Variants in TNFRSF11A observed in about 807,000 individuals in gnomAD.
TNFRSF11A encodes TNF receptor superfamily member 11a.
A neutral mutation model predicts 55.7 loss-of-function variants in TNFRSF11A; 32 were observed. The observed-to-expected ratio is 0.57, with a 90% CI of 0.43 to 0.77. The LOEUF is 0.77. TNFRSF11A is among the 30% of genes least tolerant of loss of function. The probability of loss-of-function intolerance (pLI) is 0.00; values close to 1 mark genes in which losing one functional copy is unlikely to be tolerated. For missense variants in TNFRSF11A, 753 were observed against 809.8 expected, an observed-to-expected ratio of 0.93 and a Z score of 0.85; for synonymous variants, 311 against 331.0, an observed-to-expected ratio of 0.94 and a Z score of 0.65.
chr18:62,380,986 A>G (rs1207045698), intron 9 of TNFRSF11A, among the ~76,000 whole-genome samples: 1 of 151,756 alleles, frequency 6.6e-6, no homozygotes, highest in Non-Finnish European at 1.5e-5. Context: ...TGTATTTTTC[A>G]TAGAGGCAGG....
At position 62,368,660 on chromosome 18, in the gene TNFRSF11A, C is replaced by G. The variant is rs773511368; in HGVS notation, c.784-41C>G. On this transcript the variant is annotated intron_variant, in intron 8 of 9. Coordinates refer to ENST00000586569, the MANE Select transcript of TNFRSF11A (RefSeq NM_003839.4). ...TTTAGCTAAACTTGTCCTAATAACT[C>G]TAGGTATTAATGCCTCTGCCTTCTG... is the stretch of plus-strand genomic sequence containing the variant. The G allele has an allele frequency of 1.2e-5, 20 of 1,605,730 alleles. No individual in the cohort carries two copies. The Admixed American group carries it at 3.0e-4, about 24-fold the overall frequency.
In TNFRSF11A at chr18:62,355,091, T is replaced by C. The variant is rs117968696; in HGVS notation, c.427+557T>C. On this transcript the variant is annotated intron_variant, in intron 4 of 9. Transcript: ENST00000586569. ...TATGATTCATTTTTAAATGCGCCAATTGTATTTAACTATTGGACAGTTTAC... is the reference window on the plus strand; with the variant it reads ...TATGATTCATTTTTAAATGCGCCAACTGTATTTAACTATTGGACAGTTTAC... Among the ~76,000 whole-genome samples the C allele has an allele frequency of 9.5e-3, 1,451 of 152,322 alleles. 33 individuals are homozygous for C. The highest frequency in any genetic ancestry group is 0.042 in the Admixed American group (644 of 15,306).
At chr18:62,365,450 G>A (rs1366477452) in intron 7 of TNFRSF11A, among the ~76,000 whole-genome samples, 3 of 152,180 alleles carry the variant, frequency 2.0e-5, no homozygotes. Context: ...CTTCTGAGAA[G>A]CAGCCAGATA....
At chr18:62,343,216 G>A (rs942469026) in intron 1 of TNFRSF11A, among the ~76,000 whole-genome samples, 5 of 152,216 alleles carry the variant, frequency 3.3e-5, no homozygotes, top group African/African-American at 9.6e-5. Flanking sequence ...ATATAGTCAA[G>A]GATGATATTT....
intron 4 of TNFRSF11A, among the ~76,000 whole-genome samples, chr18:62,356,301 T>C (rs369409430): frequency 6.6e-6 from 1 of 152,248 alleles, no homozygotes; most frequent in African/African-American, 2.4e-5. Context: ...ATTCGGTCTT[T>C]ATTATCAAAT....
At chr18:62,343,934 T>C (rs1367053608) in intron 1 of TNFRSF11A, among the ~76,000 whole-genome samples, 1 of 152,236 alleles carries the variant, frequency 6.6e-6, no homozygotes, top group African/African-American at 2.4e-5. Flanking sequence ...ATTTTCAGCT[T>C]ATTGATTAAG....
intron 7 of TNFRSF11A, among the ~76,000 whole-genome samples, chr18:62,362,915 C>A (rs1909799753): frequency 6.6e-6 from 1 of 152,152 alleles, no homozygotes; most frequent in South Asian, 2.1e-4. Flanking sequence ...ACGATCTCGA[C>A]TCACTGCAGC....
rs772560076 is a variant in TNFRSF11A at position 62,369,227 on chromosome 18, G to A, written c.1310G>A (p.Ser437Asn). The A allele has an allele frequency of 2.5e-6, 4 of 1,613,594 alleles. No homozygotes were observed. The highest frequency in any genetic ancestry group is 3.4e-6 in the Non-Finnish European group (4 of 1,180,042). Residue 437 changes from serine (S) to asparagine (N), a missense_variant, in exon 9 of 10, where the codon AGC (serine) becomes AAC (asparagine). Coordinates refer to ENST00000586569, the MANE Select transcript of TNFRSF11A (RefSeq NM_003839.4). ...DSGHCPHWAA[S>N]PSPNWADVCT... is the part of the protein sequence containing the mutation. The stretch of plus-strand genomic sequence containing the variant: ...GGCCATTGCCCGCACTGGGCAGCCA[G>A]CCCCAGCCCCAACTGGGCAGATGTC...
Position 62,385,671 on chromosome 18 carries a change from G to A in TNFRSF11A, c.*637G>A, listed in dbSNP as rs1225868018. 2.8e-5 allele frequency: 2 copies of A among 72,146 alleles called. No homozygotes were observed. Among genetic ancestry groups the A allele is most frequent in the Admixed American group, 3.5e-4 (2 of 5,788 alleles). The allele number at this position is 72,146 out of a possible 1,614,324, so 4.5% of individuals were successfully genotyped here. A position where few individuals can be genotyped will look rare whatever the true frequency, so the allele number is the denominator to read the frequency against. On this transcript the variant is annotated 3_prime_UTR_variant, in exon 10 of 10. Coordinates refer to ENST00000586569, the MANE Select transcript of TNFRSF11A (RefSeq NM_003839.4). ...CTTCCTCCCCCCGACTCCCCCCCCA[G>A]AGACACGGTCCCACCATGTTACCCA...
At chr18:62,340,617 T>C (rs1006642874) in intron 1 of TNFRSF11A, among the ~76,000 whole-genome samples, 1 of 152,212 alleles carries the variant, frequency 6.6e-6, no homozygotes, top group Non-Finnish European at 1.5e-5. Context: ...GCCTAACTTT[T>C]GGCAGCAGAA....
rs1911841870 is a variant in TNFRSF11A, at chr18:62,387,899, T to C, written c.*2865T>C. On this transcript the variant is annotated 3_prime_UTR_variant, in exon 10 of 10. Coordinates refer to ENST00000586569, the MANE Select transcript of TNFRSF11A (RefSeq NM_003839.4). Reference sequence around the variant, plus strand: ...GGGAGGCCAAGGCAGGAGGATCACTTGAGGACAGTAGTTAGAGATCAAACT... The same window carrying C: ...GGGAGGCCAAGGCAGGAGGATCACTCGAGGACAGTAGTTAGAGATCAAACT... The C allele has an allele frequency of 6.6e-6, 1 of 152,154 alleles. No individual in the cohort carries two copies. The highest frequency in any genetic ancestry group is 2.4e-5 in the African/African-American group (1 of 41,380). The allele number at this position is 152,154 out of a possible 1,614,324, so 9.4% of individuals were successfully genotyped here.
chr18:62,384,671 CCCCGG>C (rs1911558208), intron 9 of TNFRSF11A, 75 bp from the exon 10 acceptor site: 1 of 1,543,406 alleles, frequency 6.5e-7, no homozygotes, highest in African/African-American at 1.4e-5. Context: ...GCCCTCCACT[CCCCGG>C]AACCTTCCTC....
At chr18:62,382,088 G>A (rs1412228976) in intron 9 of TNFRSF11A, among the ~76,000 whole-genome samples, 1 of 140,050 alleles carries the variant, frequency 7.1e-6, no homozygotes, top group Non-Finnish European at 1.5e-5. Context: ...TGTACTGGCT[G>A]ATTATAGTTT....
chr18:62,382,809 TGTTTGTTTGTTA>T (rs1285271261), intron 9 of TNFRSF11A, among the ~76,000 whole-genome samples: 1 of 142,730 alleles, frequency 7.0e-6, no homozygotes, highest in Non-Finnish European at 1.6e-5. Flanking sequence ...TTTGTTTGTT[TGTTTGTTTGTTA>T]ACTTTTATTT....
At position 62,335,295 on chromosome 18, in the gene TNFRSF11A, G is replaced by C. The variant is rs377487039; in HGVS notation, c.75+9868G>C. ...GCTAATTTTTTTTGTATTTTTAGTA[G>C]AGACAGGGATTTACCATATTGGCCA... On this transcript the variant is annotated intron_variant, in intron 1 of 9. Transcript: ENST00000586569. 4.7e-4 allele frequency among the ~76,000 whole-genome samples: 71 copies of C among 152,114 alleles called. 1 individual carries two copies. The highest frequency in any genetic ancestry group is 2.5e-3 in the East Asian group (13 of 5,178).
intron 5 of TNFRSF11A, among the ~76,000 whole-genome samples, chr18:62,359,725 C>T (rs961982232): frequency 1.3e-5 from 2 of 152,176 alleles, no homozygotes; most frequent in Admixed American, 1.3e-4. Flanking sequence ...TTGCTGACCG[C>T]AATCTCAGAG....
In TNFRSF11A at chr18:62,383,791, G is replaced by A. The variant is rs1400745305; in HGVS notation, c.1568-960G>A. Among the ~76,000 whole-genome samples, 1 of 152,140 alleles carries A rather than the reference G, an allele frequency of 6.6e-6. No individual in the cohort carries two copies. Among genetic ancestry groups the A allele is most frequent in the Non-Finnish European group, 1.5e-5 (1 of 68,024 alleles). Reference sequence around the variant, plus strand: ...AAAACACCCTTCAGAGTTCAGAAGGGAAAAGTGATTTATAGGACTTTTTTT... The same window carrying A: ...AAAACACCCTTCAGAGTTCAGAAGGAAAAAGTGATTTATAGGACTTTTTTT... On this transcript the variant is annotated intron_variant, in intron 9 of 9. Transcript: ENST00000586569. This position sits in a 1 kb window ranked among gnomAD's most constrained non-coding sequence, Gnocchi z 4.2.
At chr18:62,354,566 T>C (rs758420297) in intron 4 of TNFRSF11A, 32 bp downstream of exon 4, 1 of 1,600,690 alleles carries the variant, frequency 6.2e-7, no homozygotes, top group Non-Finnish European at 8.5e-7. Context: ...CTGTCGGCTC[T>C]TGCTGAGCCA....
chr18:62,357,997 A>G lies in TNFRSF11A; in HGVS notation c.428-251A>G, dbSNP rs564294813. The G allele has an allele frequency of 4.6e-4, 230 of 495,972 alleles. 1 individual carries two copies. Among genetic ancestry groups the G allele is most frequent in the African/African-American group, 4.3e-3 (222 of 51,536 alleles). 30.7% of individuals were successfully genotyped at this position (495,972 alleles called of 1,614,324 possible). On this transcript the variant is annotated intron_variant, in intron 4 of 9. Transcript: ENST00000586569. ...ATCACATACCAGTGTTAGTGGCCTG[A>G]CATCAAGTCAGTTACCTTTCTGAGC...
Sources: gnomAD v4.1 joint callset for allele counts (sites outside exome capture counted in the v4.1 genomes callset) on GRCh38, gnomAD v4.1.1 for gene constraint, Gnocchi (gnomAD v3.1) non-coding constraint, MANE v1.5 for transcripts, NCBI Gene and HGNC (gene_info 2026-07-23, HGNC 2026-07-21) for gene names.